Variants in PRDM16 observed in about 807,000 individuals in gnomAD.
PRDM16 encodes histone-lysine N-methyltransferase PRDM16.
Under a neutral mutation model 110.6 loss-of-function variants are expected in PRDM16, and 23 were observed. The ratio of observed to expected loss-of-function variants is 0.21; its 90% CI spans 0.15 to 0.29. PRDM16 has a LOEUF of 0.29. PRDM16 is among the 10% of genes least tolerant of loss of function. PRDM16 has a pLI of 1.00. For missense variants in PRDM16, 1,615 were observed against 1,794.3 expected (o/e 0.90, Z 1.81); for synonymous variants, 799 against 781.8 (o/e 1.02, Z -0.37).
chr1:3,144,058 C>T (rs1178097701), intron 1 of PRDM16, among the ~76,000 whole-genome samples: 1 of 152,246 alleles, frequency 6.6e-6, no homozygotes, highest in African/African-American at 2.4e-5. Flanking sequence ...GATTTCCTCT[C>T]TGGCCCCCTC....
At chr1:3,223,446 C>T (rs1032980298) in intron 2 of PRDM16, among the ~76,000 whole-genome samples, 2 of 152,166 alleles carry the variant, frequency 1.3e-5, no homozygotes, top group African/African-American at 2.4e-5. Flanking sequence ...AGGAGTGTCA[C>T]GCCTCACACA....
intron 1 of PRDM16, among the ~76,000 whole-genome samples, chr1:3,156,815 G>C (rs1220404643): frequency 2.0e-5 from 3 of 152,156 alleles, no homozygotes; most frequent in Non-Finnish European, 2.9e-5. Context: ...TTAGCTCTTC[G>C]AGGGGGGAAG....
chr1:3,152,539 T>C (rs1643796028), intron 1 of PRDM16, among the ~76,000 whole-genome samples: 1 of 152,194 alleles, frequency 6.6e-6, no homozygotes, highest in Non-Finnish European at 1.5e-5. Flanking sequence ...AAATGAAGGC[T>C]TGGAGGGGTT....
At chr1:3,215,320 C>T (rs2100854744) in intron 2 of PRDM16, among the ~76,000 whole-genome samples, 1 of 92,256 alleles carries the variant, frequency 1.1e-5, no homozygotes, top group South Asian at 4.2e-4. Flanking sequence ...AAGAAACAGC[C>T]ATGTCGTGGA....
intron 1 of PRDM16, among the ~76,000 whole-genome samples, chr1:3,184,346 T>A (rs2100794005): frequency 6.6e-6 from 1 of 152,272 alleles, no homozygotes; most frequent in African/African-American, 2.4e-5. Flanking sequence ...ACTTAAAAGT[T>A]CTGGTCTCCT....
At chr1:3,172,221 CT>C (rs1190323036) in intron 1 of PRDM16, among the ~76,000 whole-genome samples, 1 of 152,150 alleles carries the variant, frequency 6.6e-6, no homozygotes, top group African/African-American at 2.4e-5. Flanking sequence ...GGATTCGTGC[CT>C]GTTTTACAGA....
intron 3 of PRDM16, among the ~76,000 whole-genome samples, chr1:3,269,531 G>T (rs551761536): frequency 6.5e-5 from 9 of 138,400 alleles, no homozygotes; most frequent in Non-Finnish European, 1.4e-4. Context: ...GAGGACAGTC[G>T]GGGAGGAGCA....
rs1198621108 is a variant in PRDM16 at position 3,244,949 on chromosome 1, G to C, written c.438+812G>C. Among the ~76,000 whole-genome samples the C allele has an allele frequency of 6.6e-6, 1 of 152,312 alleles. No homozygotes were observed. The highest frequency in any genetic ancestry group is 1.5e-5 in the Non-Finnish European group (1 of 68,028). On this transcript the variant is annotated intron_variant, in intron 3 of 16. Transcript: ENST00000270722. The surrounding 1 kb of genome is among the most constrained non-coding windows in gnomAD (Gnocchi z 4.1). ...GGTGGCTGATCTCCTATTTTTTGGG[G>C]GGGGGTTTCTAGTAAAATTAAAGTA...
chr1:3,180,968 T>A lies in PRDM16; in HGVS notation c.38-5157T>A, dbSNP rs80145477. Among the ~76,000 whole-genome samples, 51 of 131,120 alleles carry A rather than the reference T, an allele frequency of 3.9e-4. 1 individual carries two copies. Among genetic ancestry groups the A allele is most frequent in the African/African-American group, 1.4e-3 (51 of 35,372 alleles). The allele number at this position is 131,120 out of a possible 152,430, so 86.0% of individuals were successfully genotyped here. On this transcript the variant is annotated intron_variant, in intron 1 of 16. Coordinates refer to ENST00000270722, the MANE Select transcript of PRDM16 (RefSeq NM_022114.4). Reference sequence around the variant, plus strand: ...GCCTTACACACGCAGTCTTACACACTCGGTCTTACACACGCAGTCTTACAC... The same window carrying A: ...GCCTTACACACGCAGTCTTACACACACGGTCTTACACACGCAGTCTTACAC...
intron 3 of PRDM16, chr1:3,307,873 C>T (rs931519965): frequency 6.6e-6 from 1 of 152,184 alleles, no homozygotes; most frequent in African/African-American, 2.4e-5. Flanking sequence ...ACATTCACAG[C>T]AAGAGCGGCT....
rs199853370 is a variant in PRDM16 at position 3,425,743 on chromosome 1, C to T, written c.3102C>T (p.Asn1034=). ...DRHLKKHEHE[N]APVSQHPGVL... is the part of the protein sequence containing the mutation. ...ACCTCAAGAAGCACGAGCACGAGAACGCACCAGGTGGGCCACGCGGGGTGG... is the reference window on the plus strand; with the variant it reads ...ACCTCAAGAAGCACGAGCACGAGAATGCACCAGGTGGGCCACGCGGGGTGG... Residue 1034 remains asparagine (N), a synonymous_variant, in exon 13 of 17, where the codon AAC becomes AAT. Coordinates refer to ENST00000270722, the MANE Select transcript of PRDM16 (RefSeq NM_022114.4). The surrounding 1 kb of genome is among the most constrained non-coding windows in gnomAD (Gnocchi z 6.9). 2.1e-3 allele frequency: 3,345 copies of T among 1,613,524 alleles called. 12 individuals are homozygous for T. Among genetic ancestry groups the T allele is most frequent in the Middle Eastern group, 2.5e-3 (15 of 6,060 alleles).
intron 1 of PRDM16, among the ~76,000 whole-genome samples, chr1:3,107,866 C>T (rs1176093887): frequency 6.6e-6 from 1 of 152,276 alleles, no homozygotes; most frequent in Non-Finnish European, 1.5e-5. Flanking sequence ...GCCTCAATGA[C>T]CATGCCATGT....
intron 3 of PRDM16, among the ~76,000 whole-genome samples, chr1:3,305,330 C>T (rs879440176): frequency 4.6e-5 from 7 of 152,208 alleles, no homozygotes; most frequent in Non-Finnish European, 7.3e-5. Flanking sequence ...CCTGATGGGA[C>T]GGGGACCTGC....
At chr1:3,329,538 A>G (rs1242499109) in intron 3 of PRDM16, among the ~76,000 whole-genome samples, 4 of 152,168 alleles carry the variant, frequency 2.6e-5, no homozygotes, top group East Asian at 1.9e-4. Flanking sequence ...CGTGGGGCAC[A>G]CTCTCTAGAG....
chr1:3,086,979 G>T (rs1210180269), intron 1 of PRDM16, among the ~76,000 whole-genome samples: 1 of 152,034 alleles, frequency 6.6e-6, no homozygotes, highest in African/African-American at 2.4e-5. Context: ...GAGTGAAAAG[G>T]AAAAAAAGGA....
chr1:3,195,037 C>T lies in PRDM16; in HGVS notation c.387+8563C>T, dbSNP rs12057545. ...CTCACGTCTAAAACCGTGAGCGCAC[C>T]GGCCAGTGGATGCTCTGAGGAGTGT... On this transcript the variant is annotated intron_variant, in intron 2 of 16. Coordinates refer to ENST00000270722, the MANE Select transcript of PRDM16 (RefSeq NM_022114.4). Among the ~76,000 whole-genome samples, 903 of 152,332 alleles carry T rather than the reference C, an allele frequency of 5.9e-3. 6 individuals carry two copies. The highest frequency in any genetic ancestry group is 0.021 in the African/African-American group (857 of 41,564).
chr1:3,099,767 C>G (rs895593477), intron 1 of PRDM16, among the ~76,000 whole-genome samples: 31 of 152,286 alleles, frequency 2.0e-4, no homozygotes, highest in African/African-American at 7.5e-4. Context: ...CATCAGAGAC[C>G]GTTTAAGAGA....
chr1:3,231,602 T>C (rs1639418336), intron 2 of PRDM16, among the ~76,000 whole-genome samples: 1 of 152,226 alleles, frequency 6.6e-6, no homozygotes. Context: ...TTCCCAGCTC[T>C]GTGAAAGGCA....
intron 3 of PRDM16, among the ~76,000 whole-genome samples, chr1:3,368,971 G>A (rs570366003): frequency 6.6e-6 from 1 of 152,370 alleles, no homozygotes; most frequent in African/African-American, 2.4e-5. Context: ...GGCGGATGCA[G>A]TTCAGAATCA....
Sources: gnomAD v4.1 joint callset for allele counts (sites outside exome capture counted in the v4.1 genomes callset) on GRCh38, gnomAD v4.1.1 for gene constraint, Gnocchi (gnomAD v3.1) non-coding constraint, MANE v1.5 for transcripts, NCBI Gene and HGNC (gene_info 2026-07-23, HGNC 2026-07-21) for gene names.